AGBL4: variants seen among roughly 807,000 people sequenced by gnomAD.
AGBL4 encodes cytosolic carboxypeptidase 6.
A neutral mutation model predicts 66.4 loss-of-function variants in AGBL4; 58 were observed. That is an observed-to-expected ratio of 0.87 (90% CI 0.71 to 1.09). AGBL4 has a LOEUF of 1.09. Ranked by LOEUF, AGBL4 falls within the 50% of genes least tolerant of loss-of-function variation. The pLI is 0.00. For synonymous variants in AGBL4, 234 were observed against 222.9 expected (o/e 1.05, Z -0.44); for missense variants, 579 against 631.0 (o/e 0.92, Z 0.88).
rs567138877 is a variant in AGBL4, at chr1:49,936,713, C to G, written c.35-85195G>C. Among the ~76,000 whole-genome samples the G allele has an allele frequency of 1.1e-4, 16 of 152,204 alleles. No homozygotes were observed. In the East Asian group the frequency reaches 2.1e-3, roughly 20 times the overall value. ...TTCTTAAGGAAAAGAATTTTCAACC[C>G]AGAATTTCATATCCAGCCAAACTAA... On this transcript the variant is annotated intron_variant, in intron 1 of 13. Transcript: ENST00000371839.
intron 3 of AGBL4, among the ~76,000 whole-genome samples, chr1:49,531,975 C>A (rs1469817260): frequency 1.3e-5 from 2 of 152,124 alleles, no homozygotes; most frequent in African/African-American, 4.8e-5. Flanking sequence ...ACAATACACT[C>A]TATTTTGACT....
At chr1:49,558,616 GGT>G (rs1643959375) in intron 3 of AGBL4, among the ~76,000 whole-genome samples, 1 of 152,094 alleles carries the variant, frequency 6.6e-6, no homozygotes, top group South Asian at 2.1e-4. Context: ...TGGGCTTACT[GGT>G]GTGAGCCACC....
intron 11 of AGBL4, among the ~76,000 whole-genome samples, chr1:48,546,999 A>G (rs12409727): frequency 0.052 from 7,863 of 152,036 alleles, 699 homozygotes; most frequent in Admixed American, 0.25. Context: ...GGGGATATGA[A>G]CTGAGAGTGA....
chr1:49,977,693 T>C (rs889709178), intron 1 of AGBL4, among the ~76,000 whole-genome samples: 2 of 152,228 alleles, frequency 1.3e-5, no homozygotes, highest in East Asian at 1.9e-4. Context: ...TTGTGCTACA[T>C]TTATTTTATT....
intron 4 of AGBL4, among the ~76,000 whole-genome samples, chr1:49,157,608 T>A (rs12119454): frequency 2.8e-4 from 43 of 152,158 alleles, no homozygotes; most frequent in African/African-American, 9.6e-4. Context: ...GTAATGGGAT[T>A]CCTGGGTCAA....
chr1:48,542,684 G>A (rs1644093603), intron 11 of AGBL4, among the ~76,000 whole-genome samples: 1 of 151,958 alleles, frequency 6.6e-6, no homozygotes, highest in Non-Finnish European at 1.5e-5. Context: ...CTTTTTGATG[G>A]GGTTGTTTTT....
intron 3 of AGBL4, among the ~76,000 whole-genome samples, chr1:49,282,132 GC>G (rs1644286505): frequency 6.6e-6 from 1 of 152,178 alleles, no homozygotes; most frequent in Non-Finnish European, 1.5e-5. Flanking sequence ...TTGGAGAATT[GC>G]TTGGTGTGTG....
At chr1:49,311,111 TGATA>T (rs1416724516) in intron 3 of AGBL4, among the ~76,000 whole-genome samples, 1 of 152,076 alleles carries the variant, frequency 6.6e-6, no homozygotes, top group East Asian at 1.9e-4. Context: ...CAAGACTTAG[TGATA>T]GATAGTGATC....
chr1:49,631,207 T>C (rs1645563802), intron 3 of AGBL4, among the ~76,000 whole-genome samples: 1 of 152,184 alleles, frequency 6.6e-6, no homozygotes, highest in Admixed American at 6.5e-5. Flanking sequence ...CTTAGTGTAA[T>C]AGACCTACTT....
chr1:49,041,723 T>C (rs2149050663), intron 5 of AGBL4, among the ~76,000 whole-genome samples: 1 of 152,282 alleles, frequency 6.6e-6, no homozygotes, highest in South Asian at 2.1e-4. Flanking sequence ...AAACCCGGTA[T>C]GTGTGTTGTG....
intron 3 of AGBL4, among the ~76,000 whole-genome samples, chr1:49,300,951 C>A (rs1460787691): frequency 1.3e-5 from 2 of 152,104 alleles, no homozygotes; most frequent in African/African-American, 4.8e-5. Context: ...CTATACTTGC[C>A]TCTCTCATAG....
At chr1:48,551,797 A>G (rs1330854518) in intron 11 of AGBL4, among the ~76,000 whole-genome samples, 1 of 151,904 alleles carries the variant, frequency 6.6e-6, no homozygotes, top group Admixed American at 6.6e-5. Context: ...CCCTGGGAAA[A>G]ACGTTTCCCT....
intron 2 of AGBL4, among the ~76,000 whole-genome samples, chr1:49,784,634 T>C (rs1397481919): frequency 6.6e-6 from 1 of 151,922 alleles, no homozygotes; most frequent in East Asian, 1.9e-4. Context: ...AGTAACAAAA[T>C]TTAAAAACGA....
chr1:49,100,524 A>G (rs1308480051), intron 4 of AGBL4, among the ~76,000 whole-genome samples: 1 of 152,182 alleles, frequency 6.6e-6, no homozygotes. Flanking sequence ...GGCAATGCAT[A>G]AGAGGCATGA....
chr1:49,853,166 A>G (rs1311604277), intron 1 of AGBL4, among the ~76,000 whole-genome samples: 1 of 152,322 alleles, frequency 6.6e-6, no homozygotes, highest in East Asian at 1.9e-4. Context: ...GACCAGACAC[A>G]GAAATGACCA....
intron 3 of AGBL4, among the ~76,000 whole-genome samples, chr1:49,600,627 T>C (rs1571145666): frequency 6.6e-6 from 1 of 152,208 alleles, no homozygotes. Context: ...TTAATATTGT[T>C]ATGTGTGAAT....
intron 5 of AGBL4, among the ~76,000 whole-genome samples, chr1:48,927,930 T>C (rs1654727763): frequency 6.6e-6 from 1 of 152,242 alleles, no homozygotes; most frequent in African/African-American, 2.4e-5. Context: ...TGGCTCACAA[T>C]GTGGTTCCAC....
chr1:49,184,949 T>C (rs1277757311), intron 4 of AGBL4, among the ~76,000 whole-genome samples: 1 of 152,200 alleles, frequency 6.6e-6, no homozygotes, highest in Non-Finnish European at 1.5e-5. Context: ...TTGTGATGAA[T>C]CTCTCCCCTT....
At chr1:48,865,726 T>A (rs189989168) in intron 6 of AGBL4, among the ~76,000 whole-genome samples, 2 of 152,220 alleles carry the variant, frequency 1.3e-5, no homozygotes, top group Admixed American at 6.5e-5. Flanking sequence ...TCAACAACTC[T>A]CTCCAATTCA....
Sources: allele counts gnomAD v4.1 joint callset (sites outside exome capture counted in the v4.1 genomes callset), GRCh38; gene constraint gnomAD v4.1.1; transcripts MANE v1.5; gene names NCBI Gene and HGNC (gene_info 2026-07-23, HGNC 2026-07-21).